PAK1: variants seen among roughly 807,000 people sequenced by gnomAD.
The protein encoded by PAK1 is serine/threonine-protein kinase PAK 1.
A neutral mutation model predicts 67.4 loss-of-function variants in PAK1; 29 were observed. That is an observed-to-expected ratio of 0.43 (90% CI 0.32 to 0.59). The LOEUF (loss-of-function observed/expected upper bound fraction) is 0.59. PAK1 is among the 20% of genes least tolerant of loss of function. The pLI, the probability that PAK1 is intolerant of heterozygous loss-of-function variation, is 0.07. For missense variants in PAK1, 337 were observed against 670.7 expected (o/e 0.50, Z 5.50); for synonymous variants, 223 against 237.4 (o/e 0.94, Z 0.56).
the PAK1 span, among the ~76,000 whole-genome samples, chr11:77,503,509 T>C: frequency 1.7e-4 from 26 of 152,206 alleles, no homozygotes; most frequent in African/African-American, 2.9e-4. Flanking sequence ...CCCCAAAGAA[T>C]GTTGTTTATG....
intron 4 of PAK1, among the ~76,000 whole-genome samples, chr11:77,375,409 T>C (rs1224688150): frequency 1.3e-5 from 2 of 152,034 alleles, no homozygotes; most frequent in Non-Finnish European, 2.9e-5. Flanking sequence ...AGGACTAAGG[T>C]TGAGGAAAAG....
intron 2 of PAK1, among the ~76,000 whole-genome samples, chr11:77,382,312 G>C (rs1166953836): frequency 6.6e-6 from 1 of 152,102 alleles, no homozygotes. Context: ...GCTAAAGTCA[G>C]CTCTGCTTCT....
At chr11:77,381,196 G>A (rs955125299) in intron 2 of PAK1, among the ~76,000 whole-genome samples, 4 of 152,026 alleles carry the variant, frequency 2.6e-5, no homozygotes, top group Non-Finnish European at 5.9e-5. Context: ...GAGAGAAAGA[G>A]AGACCAGGAT....
intron 14 of PAK1, among the ~76,000 whole-genome samples, chr11:77,330,958 A>G (rs1246168034): frequency 6.6e-6 from 1 of 152,216 alleles, no homozygotes; most frequent in Non-Finnish European, 1.5e-5. Context: ...AAACAACCCC[A>G]TCAAAAAGTG....
chr11:77,407,151 G>T lies in PAK1; in HGVS notation c.-21-14610C>A, dbSNP rs569300762. 4.0e-5 allele frequency among the ~76,000 whole-genome samples: 6 copies of T among 151,470 alleles called. No homozygotes were observed. In the South Asian group the frequency reaches 1.2e-3, roughly 31 times the overall value. ...TAAAAAGATTAAAAATCAGGTAACA[G>T]TAAGTGGTAGAACCAGGATTTGAAC... On this transcript the variant is annotated intron_variant, in intron 1 of 14. Coordinates refer to ENST00000356341, the MANE Select transcript of PAK1 (RefSeq NM_002576.5).
At chr11:77,349,483 A>G (rs2602471) in intron 8 of PAK1, 196 bp from the exon 9 acceptor site, 27,122 of 572,486 alleles carry the variant, frequency 0.047, 2,034 homozygotes, top group East Asian at 0.24. Context: ...TCTAGTGGCC[A>G]GGAGACCTGA....
At position 77,323,247 on chromosome 11, in the gene PAK1, C is replaced by T. The variant is rs757488945; in HGVS notation, c.*27G>A. Reference sequence around the variant, plus strand: ...TGCATTTATCTCACAGAAGGCTTGGCACAATGAGGCTGGGGTGAGTGTGGT... The same window carrying T: ...TGCATTTATCTCACAGAAGGCTTGGTACAATGAGGCTGGGGTGAGTGTGGT... On this transcript the variant is annotated 3_prime_UTR_variant, in exon 15 of 15. Transcript: ENST00000356341. 1 of 1,613,354 alleles carries T rather than the reference C, an allele frequency of 6.2e-7. No homozygotes were observed. Among genetic ancestry groups the T allele is most frequent in the African/African-American group, 1.3e-5 (1 of 75,000 alleles).
In PAK1 at chr11:77,470,522, A is replaced by C. The variant is rs543350237; in HGVS notation, c.-22+3030T>G. Reference sequence around the variant, plus strand: ...CTCATAATTTTATAGTAAACGGATGAATAATTGAAGCCACTCTCCCAGAAG... The same window carrying C: ...CTCATAATTTTATAGTAAACGGATGCATAATTGAAGCCACTCTCCCAGAAG... On this transcript the variant is annotated intron_variant, in intron 1 of 14. Coordinates refer to ENST00000356341, the MANE Select transcript of PAK1 (RefSeq NM_002576.5). Among the ~76,000 whole-genome samples, 5 of 152,320 alleles carry C rather than the reference A, an allele frequency of 3.3e-5. No individual in the cohort carries two copies. The East Asian group carries it at 9.6e-4, about 29-fold the overall frequency.
At chr11:77,405,932 C>T (rs1354516394) in intron 1 of PAK1, among the ~76,000 whole-genome samples, 5 of 152,224 alleles carry the variant, frequency 3.3e-5, no homozygotes, top group African/African-American at 1.2e-4. Context: ...CCTCACGTTA[C>T]TCAGTATCTT....
chr11:77,397,013 G>GT (rs1951917279), intron 1 of PAK1: 1 of 152,212 alleles, frequency 6.6e-6, no homozygotes, highest in Admixed American at 6.5e-5. Flanking sequence ...TTTGAATAAA[G>GT]TGAGTATACA....
intron 1 of PAK1, among the ~76,000 whole-genome samples, chr11:77,455,033 G>A (rs1383669761): frequency 1.3e-5 from 2 of 152,088 alleles, no homozygotes; most frequent in East Asian, 3.8e-4. Flanking sequence ...GAATAAAGAA[G>A]CTTATCTCCC....
intron 1 of PAK1, among the ~76,000 whole-genome samples, chr11:77,462,936 T>C (rs1462608206): frequency 1.7e-5 from 2 of 119,178 alleles, no homozygotes; most frequent in East Asian, 2.5e-4. Context: ...AAGTGCCTAC[T>C]ATAGGTTAGG....
chr11:77,442,714 T>C (rs983793696), intron 1 of PAK1, among the ~76,000 whole-genome samples: 2 of 152,262 alleles, frequency 1.3e-5, no homozygotes, highest in African/African-American at 2.4e-5. Context: ...AAACTGCTAG[T>C]TTTGCAGGTA....
In PAK1 at chr11:77,473,761, A is replaced by T. The variant is rs1739861978; in HGVS notation, c.-231T>A. On this transcript the variant is annotated 5_prime_UTR_variant, in exon 1 of 15. Transcript: ENST00000356341. ...TGGGGGGGCGGGAGGGAGCGAGGCG[A>T]CGCGGGCGGGGGGGGAAGGGGGGAC... 7.4e-6 allele frequency: 1 copy of T among 135,656 alleles called. No individual in the cohort carries two copies. The highest frequency in any genetic ancestry group is 7.1e-5 in the Admixed American group (1 of 13,988). 8.4% of individuals were successfully genotyped at this position (135,656 alleles called of 1,614,324 possible).
chr11:77,505,645 G>C, the PAK1 span, among the ~76,000 whole-genome samples: 1 of 152,102 alleles, frequency 6.6e-6, no homozygotes, highest in Non-Finnish European at 1.5e-5. Context: ...GGTATCTCAC[G>C]TAAGTGGAAT....
chr11:77,407,937 A>G (rs1268272322), intron 1 of PAK1, among the ~76,000 whole-genome samples: 1 of 152,178 alleles, frequency 6.6e-6, no homozygotes, highest in African/African-American at 2.4e-5. Flanking sequence ...CAGTACCTAG[A>G]GTCTAGCCCC....
chr11:77,374,057 T>C (rs1466371333), intron 5 of PAK1, among the ~76,000 whole-genome samples: 1 of 152,156 alleles, frequency 6.6e-6, no homozygotes, highest in Non-Finnish European at 1.5e-5. Context: ...AAAATTAGAA[T>C]TTCTAGAACA....
rs1275005447 is a variant in PAK1 at position 77,473,622 on chromosome 11, T to G, written c.-92A>C. On this transcript the variant is annotated 5_prime_UTR_variant, in exon 1 of 15. Transcript: ENST00000356341. ...GCGGTGGGTGCCGCCTAGCCGGGAG[T>G]GAGGGCGCGAGTGTGCGCGAGCTAC... The G allele has an allele frequency of 1.3e-5, 2 of 151,932 alleles. No homozygotes were observed. Among genetic ancestry groups the G allele is most frequent in the African/African-American group, 4.9e-5 (2 of 41,026 alleles). 9.4% of individuals were successfully genotyped at this position (151,932 alleles called of 1,614,324 possible). A position where few individuals can be genotyped will look rare whatever the true frequency, so the allele number is the denominator to read the frequency against.
At chr11:77,343,634 C>A (rs1943972580) in intron 10 of PAK1, among the ~76,000 whole-genome samples, 185 bp downstream of exon 10, 2 of 152,094 alleles carry the variant, frequency 1.3e-5, no homozygotes, top group East Asian at 3.9e-4. Context: ...CAGCCTAACA[C>A]AGAAGGATTT....
Sources: gnomAD v4.1 joint callset for allele counts (sites outside exome capture counted in the v4.1 genomes callset) on GRCh38, gnomAD v4.1.1 for gene constraint, MANE v1.5 for transcripts, NCBI Gene and HGNC (gene_info 2026-07-23, HGNC 2026-07-21) for gene names.